The following MYO1B variants were observed in gnomAD, a reference collection of about 807,000 sequenced individuals.
MYO1B encodes myosin IB.
In MYO1B, 72 loss-of-function variants were observed where a neutral mutation model predicts 159.7. The ratio of observed to expected loss-of-function variants is 0.45; its 90% confidence interval spans 0.37 to 0.55. The LOEUF (loss-of-function observed/expected upper bound fraction) is 0.55, where lower values mean the gene tolerates loss of function less well. Among genes scored for constraint, MYO1B ranks in the 20% least tolerant of loss-of-function variants. The pLI is 0.00. For missense variants in MYO1B, 1,062 were observed against 1,364.8 expected (o/e 0.78, Z 3.50); for synonymous variants, 468 against 473.8 (o/e 0.99, Z 0.16).
chr2:191,314,967 C>A (rs147718225), intron 3 of MYO1B, among the ~76,000 whole-genome samples: 1 of 152,116 alleles, frequency 6.6e-6, no homozygotes, highest in Non-Finnish European at 1.5e-5. Context: ...TTTTATTCTG[C>A]TGAACCTGTG....
chr2:191,283,096 G>A (rs1688160813), intron 2 of MYO1B, among the ~76,000 whole-genome samples: 1 of 152,190 alleles, frequency 6.6e-6, no homozygotes, highest in Non-Finnish European at 1.5e-5. Flanking sequence ...CTATCTCTTG[G>A]ACAGTCATTT....
intron 3 of MYO1B, among the ~76,000 whole-genome samples, chr2:191,329,384 A>G (rs545694776): frequency 7.4e-4 from 113 of 152,130 alleles, no homozygotes; most frequent in Non-Finnish European, 1.2e-3. Context: ...AACATCAGCT[A>G]TTTGGTATTT....
rs998198422 is a variant in MYO1B, at chr2:191,390,391, G to T, written c.1881G>T (p.Val627=). The change falls in exon 18 of 31, where the codon GTG becomes GTT. Residue 627 remains valine (V), a synonymous_variant. Transcript: ENST00000392318. The part of the protein sequence containing the change: ...RYLGLLENVR[V]RRAGYAFRQA... Reference sequence around the variant, plus strand: ...TGGGGCTTTTGGAGAACGTCCGAGTGCGGAGGGCAGGCTACGCCTTCAGGC... The same window carrying T: ...TGGGGCTTTTGGAGAACGTCCGAGTTCGGAGGGCAGGCTACGCCTTCAGGC... 6.2e-7 allele frequency: 1 copy of T among 1,614,156 alleles called. No homozygotes were observed. Among genetic ancestry groups the T allele is most frequent in the African/African-American group, 1.3e-5 (1 of 74,954 alleles).
At chr2:191,333,063 G>A (rs1308170438) in intron 4 of MYO1B, among the ~76,000 whole-genome samples, 1 of 152,084 alleles carries the variant, frequency 6.6e-6, no homozygotes, top group Non-Finnish European at 1.5e-5. Flanking sequence ...AATAGGACTG[G>A]GCCAAAGACT....
chr2:191,248,418 C>T (rs988519530), intron 1 of MYO1B, among the ~76,000 whole-genome samples: 1 of 152,092 alleles, frequency 6.6e-6, no homozygotes, highest in African/African-American at 2.4e-5. Context: ...CTTAATCTAC[C>T]GAACCTTAAA....
At chr2:191,387,884 A>G (rs1391424153) in intron 17 of MYO1B, 3 of 220,540 alleles carry the variant, frequency 1.4e-5, no homozygotes, top group Non-Finnish European at 2.7e-5. Flanking sequence ...CTGCTCTGGC[A>G]CTTCTTAGGA....
At chr2:191,289,686 A>G (rs17412531) in intron 2 of MYO1B, among the ~76,000 whole-genome samples, 2,599 of 152,346 alleles carry the variant, frequency 0.017, 27 homozygotes, top group Non-Finnish European at 0.03. Flanking sequence ...AAAAGCATCA[A>G]AGTACATGAT....
chr2:191,347,542 T>C (rs538315944), intron 6 of MYO1B, among the ~76,000 whole-genome samples: 1 of 152,346 alleles, frequency 6.6e-6, no homozygotes, highest in Admixed American at 6.5e-5. Context: ...CACAAAAATG[T>C]AAAAACCCAT....
intron 12 of MYO1B, 40 bp downstream of exon 12, chr2:191,369,668 G>A (rs755013606): frequency 3.5e-6 from 5 of 1,425,770 alleles, no homozygotes; most frequent in Non-Finnish European, 4.9e-6. Flanking sequence ...GTAATAAATG[G>A]TATTCACAGT....
intron 1 of MYO1B, among the ~76,000 whole-genome samples, chr2:191,262,039 C>A (rs983210626): frequency 2.0e-5 from 3 of 152,206 alleles, no homozygotes; most frequent in Non-Finnish European, 4.4e-5. Flanking sequence ...TCCTGTCTCT[C>A]TTCCACCTCT....
At chr2:191,319,093 A>G (rs1193979387) in intron 3 of MYO1B, among the ~76,000 whole-genome samples, 4 of 152,270 alleles carry the variant, frequency 2.6e-5, no homozygotes, top group Non-Finnish European at 4.4e-5. Flanking sequence ...CGAGTGGTAT[A>G]TGATATTTTT....
At chr2:191,398,610 C>G (rs537878966) in intron 21 of MYO1B, among the ~76,000 whole-genome samples, 1,868 of 149,798 alleles carry the variant, frequency 0.012, 21 homozygotes, top group African/African-American at 0.043. Context: ...CCAGCAGAGG[C>G]GCTCCTCACA....
Position 191,247,405 on chromosome 2 carries a change from A to G in MYO1B, c.-10+1779A>G, listed in dbSNP as rs141204041. On this transcript the variant is annotated intron_variant, in intron 1 of 30. Coordinates refer to ENST00000392318, the MANE Select transcript of MYO1B (RefSeq NM_001130158.3). ...GGGAAAAAAATATCTCCTGCCCACT[A>G]AGTGGTAATGGAAAAGAGCTGTATA... is the stretch of plus-strand genomic sequence containing the variant. Among the ~76,000 whole-genome samples, 609 of 152,240 alleles carry G rather than the reference A, an allele frequency of 4.0e-3. 5 individuals are homozygous for G. Among genetic ancestry groups the G allele is most frequent in the Non-Finnish European group, 6.6e-3 (447 of 67,998 alleles).
chr2:191,294,326 A>G (rs528532634), intron 2 of MYO1B, among the ~76,000 whole-genome samples: 1 of 152,322 alleles, frequency 6.6e-6, no homozygotes, highest in East Asian at 1.9e-4. Flanking sequence ...AAATCAATAT[A>G]TTTTAGAAAC....
intron 3 of MYO1B, among the ~76,000 whole-genome samples, chr2:191,305,832 T>C (rs73058697): frequency 0.014 from 2,182 of 152,076 alleles, 50 homozygotes; most frequent in African/African-American, 0.05. Context: ...CCTGAGGAGC[T>C]AGGAGATGGG....
chr2:191,348,573 G>A (rs940194440), intron 6 of MYO1B, among the ~76,000 whole-genome samples: 1 of 145,458 alleles, frequency 6.9e-6, no homozygotes, highest in African/African-American at 2.5e-5. Context: ...GAGTGGCCTG[G>A]GCCACATGAC....
At chr2:191,353,241 T>C (rs1450917235) in intron 7 of MYO1B, among the ~76,000 whole-genome samples, 1 of 152,150 alleles carries the variant, frequency 6.6e-6, no homozygotes, top group Non-Finnish European at 1.5e-5. Context: ...TTAAATAATA[T>C]TTCTCCTAGT....
intron 3 of MYO1B, among the ~76,000 whole-genome samples, chr2:191,302,830 T>C (rs141332321): frequency 1.3e-5 from 2 of 152,314 alleles, no homozygotes; most frequent in Non-Finnish European, 2.9e-5. Flanking sequence ...TAATTTCTGG[T>C]TACCCTCATT....
chr2:191,289,094 A>G (rs1057177375), intron 2 of MYO1B, among the ~76,000 whole-genome samples: 6 of 152,222 alleles, frequency 3.9e-5, no homozygotes, highest in Non-Finnish European at 7.3e-5. Flanking sequence ...CATTTTCCCT[A>G]TAACTAGAAG....
Sources: gnomAD v4.1 joint callset for allele counts (sites outside exome capture counted in the v4.1 genomes callset) on GRCh38, gnomAD v4.1.1 for gene constraint, MANE v1.5 for transcripts, NCBI Gene and HGNC (gene_info 2026-07-23, HGNC 2026-07-21) for gene names.